APBB2: variants seen among roughly 807,000 people sequenced by gnomAD.
APBB2 encodes amyloid beta precursor protein binding family B member 2.
Under a neutral mutation model 82.5 loss-of-function variants are expected in APBB2, and 38 were observed. The ratio of observed to expected loss-of-function variants is 0.46; its 90% CI spans 0.36 to 0.60. The LOEUF (loss-of-function observed/expected upper bound fraction) is 0.60. APBB2 is among the 20% of genes least tolerant of loss of function. APBB2 has a pLI of 0.00. For missense variants in APBB2, 772 were observed against 972.3 expected, an observed-to-expected ratio of 0.79 and a Z score of 2.74; for synonymous variants, 341 against 368.2, an observed-to-expected ratio of 0.93 and a Z score of 0.85.
At chr4:40,857,128 G>A in intron 12 of APBB2, 1 of 985,514 alleles carries the variant, frequency 1.0e-6, no homozygotes, top group Non-Finnish European at 1.2e-6. Context: ...CGCTCAAGCA[G>A]CCGCGCGCAC....
At chr4:41,009,541 T>A (rs1408235324) in intron 6 of APBB2, among the ~76,000 whole-genome samples, 2 of 152,216 alleles carry the variant, frequency 1.3e-5, no homozygotes. Flanking sequence ...TTGCATTTTA[T>A]TGTATAAATA....
At chr4:40,834,531 C>T (rs918706806) in intron 12 of APBB2, among the ~76,000 whole-genome samples, 3 of 145,768 alleles carry the variant, frequency 2.1e-5, no homozygotes, top group Admixed American at 1.3e-4. Flanking sequence ...AGGGCTGCTG[C>T]GGGAGAGTCA....
chr4:40,848,484 C>T (rs1244482761), intron 12 of APBB2, among the ~76,000 whole-genome samples: 1 of 152,240 alleles, frequency 6.6e-6, no homozygotes, highest in East Asian at 1.9e-4. Context: ...GCACCTGAGC[C>T]TGGCTCCCTC....
chr4:40,834,968 A>C (rs1381892799), intron 12 of APBB2, among the ~76,000 whole-genome samples: 2 of 152,158 alleles, frequency 1.3e-5, no homozygotes, highest in Non-Finnish European at 2.9e-5. Context: ...TTAAAGACTG[A>C]TATTTTTTAA....
intron 2 of APBB2, among the ~76,000 whole-genome samples, chr4:41,107,189 T>C (rs1747581949): frequency 2.0e-5 from 3 of 152,134 alleles, no homozygotes; most frequent in Non-Finnish European, 4.4e-5. Flanking sequence ...CAGGTGCCTG[T>C]AGTCCCAGCT....
intron 16 of APBB2, among the ~76,000 whole-genome samples, chr4:40,822,641 T>C (rs1748395617): frequency 6.6e-6 from 1 of 152,228 alleles, no homozygotes; most frequent in East Asian, 1.9e-4. Flanking sequence ...GAATTCTTTC[T>C]CATAGGGATG....
At chr4:40,906,488 A>G (rs1343883010) in intron 10 of APBB2, among the ~76,000 whole-genome samples, 2 of 138,518 alleles carry the variant, frequency 1.4e-5, no homozygotes, top group Non-Finnish European at 3.1e-5. Context: ...AAAAAAAAAA[A>G]GAAAAGAAAA....
chr4:41,033,628 G>T (rs1717962998), intron 4 of APBB2, among the ~76,000 whole-genome samples: 1 of 86,344 alleles, frequency 1.2e-5, no homozygotes. Context: ...ACACAATTCA[G>T]CACCACTACA....
intron 3 of APBB2, among the ~76,000 whole-genome samples, chr4:41,082,289 C>T (rs1737909131): frequency 6.6e-6 from 1 of 152,152 alleles, no homozygotes; most frequent in Non-Finnish European, 1.5e-5. Flanking sequence ...TTTCCAACAT[C>T]CCTCATCACA....
Position 41,013,819 on chromosome 4 carries a change from A to C in APBB2, c.599T>G (p.Ile200Ser). 1 of 1,614,084 alleles carries C rather than the reference A, an allele frequency of 6.2e-7. No individual in the cohort carries two copies. Among genetic ancestry groups the C allele is most frequent in the African/African-American group, 1.3e-5 (1 of 75,012 alleles). Residue 200 changes from isoleucine to serine, a missense_variant, in exon 6 of 18, where the codon ATC (isoleucine) becomes AGC (serine). Transcript: ENST00000508593. The part of the protein sequence containing the change: ...SQPVQGQAST[I>S]IGNGDLLLQK... ...CAGCAGCAAATCGCCATTCCCAATG[A>C]TGGTGGAGGCCTGGCCCTGGACTGG...
intron 6 of APBB2, among the ~76,000 whole-genome samples, chr4:40,978,720 T>A (rs12509038): frequency 6.6e-6 from 1 of 151,908 alleles, no homozygotes; most frequent in Non-Finnish European, 1.5e-5. Flanking sequence ...CTTGACCATA[T>A]GAGTCATCAT....
chr4:41,096,568 T>C (rs2153963170), intron 3 of APBB2, among the ~76,000 whole-genome samples: 1 of 152,384 alleles, frequency 6.6e-6, no homozygotes, highest in East Asian at 1.9e-4. Flanking sequence ...ACATCCATGT[T>C]TTCAAAACCA....
At chr4:40,929,895 G>C (rs995329090) in intron 10 of APBB2, among the ~76,000 whole-genome samples, 1 of 152,156 alleles carries the variant, frequency 6.6e-6, no homozygotes, top group Non-Finnish European at 1.5e-5. Flanking sequence ...TTGTAGCTCT[G>C]CTCTGTAGTG....
intron 6 of APBB2, among the ~76,000 whole-genome samples, chr4:40,988,947 C>T (rs1484949748): frequency 1.3e-5 from 2 of 151,762 alleles, no homozygotes; most frequent in South Asian, 2.1e-4. Context: ...TTAGTAGAGA[C>T]GAGGGTTTCA....
At chr4:41,085,771 T>C (rs1160100802) in intron 3 of APBB2, among the ~76,000 whole-genome samples, 1 of 152,070 alleles carries the variant, frequency 6.6e-6, no homozygotes, top group Admixed American at 6.6e-5. Flanking sequence ...AAGGCAAAGG[T>C]GCCTTTTTCA....
intron 6 of APBB2, among the ~76,000 whole-genome samples, chr4:40,986,182 C>G (rs965546189): frequency 1.3e-5 from 2 of 152,124 alleles, no homozygotes; most frequent in Non-Finnish European, 2.9e-5. Flanking sequence ...CCCTGCCAGT[C>G]TAATAAAATA....
At chr4:41,197,862 T>C in intron 1 of APBB2, among the ~76,000 whole-genome samples, 1 of 151,930 alleles carries the variant, frequency 6.6e-6, no homozygotes, top group African/African-American at 2.4e-5. Flanking sequence ...AAGAGCTCCA[T>C]CTGATTTATG....
At chr4:41,186,458 C>T (rs1221845905) in intron 1 of APBB2, among the ~76,000 whole-genome samples, 1 of 152,170 alleles carries the variant, frequency 6.6e-6, no homozygotes. Flanking sequence ...ACCTTCGGTT[C>T]TCAGCAACCT....
At chr4:40,823,193 C>T (rs1748607897) in intron 16 of APBB2, among the ~76,000 whole-genome samples, 1 of 152,180 alleles carries the variant, frequency 6.6e-6, no homozygotes, top group African/African-American at 2.4e-5. Flanking sequence ...TTTCTTCAAC[C>T]ACGAAACTGA....
Sources: gnomAD v4.1 joint callset for allele counts (sites outside exome capture counted in the v4.1 genomes callset) on GRCh38, gnomAD v4.1.1 for gene constraint, MANE v1.5 for transcripts, NCBI Gene and HGNC (gene_info 2026-07-23, HGNC 2026-07-21) for gene names.